The following NDRG1 variants were observed in gnomAD, a reference collection of about 807,000 sequenced individuals.
The protein encoded by NDRG1 is N-myc downstream regulated 1, also known as protein NDRG1.
In NDRG1, 32 loss-of-function variants were observed where a neutral mutation model predicts 56.9. The observed-to-expected ratio is 0.56, with a 90% CI of 0.42 to 0.76. The LOEUF (loss-of-function observed/expected upper bound fraction) is 0.76. NDRG1 is among the 30% of genes least tolerant of loss of function. The probability of loss-of-function intolerance (pLI) is 0.00; values close to 1 mark genes in which losing one functional copy is unlikely to be tolerated. For missense variants in NDRG1, 507 were observed against 545.7 expected (o/e 0.93, Z 0.71); for synonymous variants, 211 against 204.1 (o/e 1.03, Z -0.29).
At chr8:133,245,528 G>C (rs1362794956) in intron 13 of NDRG1, among the ~76,000 whole-genome samples, 1 of 152,118 alleles carries the variant, frequency 6.6e-6, no homozygotes, top group Admixed American at 6.5e-5. Context: ...AGAGTGCTGA[G>C]TGAGGATGGA....
intron 4 of NDRG1, 38 bp from the exon 5 acceptor site, chr8:133,262,205 A>G: frequency 6.2e-7 from 1 of 1,613,492 alleles, no homozygotes; most frequent in Non-Finnish European, 8.5e-7. Context: ...AGAAAAAAGT[A>G]AGATGAGAAA....
chr8:133,253,081 A>G (rs1856162177), intron 9 of NDRG1, among the ~76,000 whole-genome samples: 1 of 152,244 alleles, frequency 6.6e-6, no homozygotes, highest in South Asian at 2.1e-4. Context: ...CTGCAATTTC[A>G]GGCAACCAAG....
At position 133,294,463 on chromosome 8, in the gene NDRG1, C is replaced by T. The variant is rs1254420423; in HGVS notation, c.-19+2671G>A. 4.6e-5 allele frequency among the ~76,000 whole-genome samples: 7 copies of T among 152,192 alleles called. No individual in the cohort carries two copies. The East Asian group carries it at 1.2e-3, about 25-fold the overall frequency. ...GCTTGAGTCTCAGATGCTGAGTCAT[C>T]ACGCTTTCTCTCCCAGGACAAGGCC... On this transcript the variant is annotated intron_variant, in intron 1 of 15. Transcript: ENST00000323851.
chr8:133,237,584 A>G lies in NDRG1; in HGVS notation c.*1294T>C, dbSNP rs144034977. The G allele has an allele frequency of 5.8e-3, 1,341 of 233,184 alleles. 18 individuals are homozygous for G. The highest frequency in any genetic ancestry group is 0.027 in the African/African-American group (1,224 of 45,448). The allele number at this position is 233,184 out of a possible 1,614,324, so 14.4% of individuals were successfully genotyped here. ...TCAGTGGTGCTGCCCCATTCGGCGA[A>G]AGGTTAGGGAGCAGGAAAAGAGGAA... On this transcript the variant is annotated 3_prime_UTR_variant, in exon 16 of 16. Transcript: ENST00000323851.
Position 133,250,559 on chromosome 8 carries a change from T to C in NDRG1, c.595-16A>G, listed in dbSNP as rs757280882. On this transcript the variant is annotated splice_polypyrimidine_tract_variant and intron_variant, in intron 9 of 15. Coordinates refer to ENST00000323851, the MANE Select transcript of NDRG1 (RefSeq NM_006096.4). ...GCATTTCTTCCTGCATTTAGAGAGG[T>C]GAGAAGATGGTCCTCATCGCACTGT... The C allele has an allele frequency of 1.1e-5, 18 of 1,608,354 alleles. No homozygotes were observed. The highest frequency in any genetic ancestry group is 1.4e-5 in the Non-Finnish European group (16 of 1,175,274).
intron 3 of NDRG1, among the ~76,000 whole-genome samples, chr8:133,267,988 C>T (rs558265053): frequency 2.0e-5 from 3 of 152,098 alleles, no homozygotes; most frequent in African/African-American, 4.8e-5. Flanking sequence ...CCCGGAGTTG[C>T]GAGTGGGTAG....
At chr8:133,283,097 G>A (rs1396332677) in intron 2 of NDRG1, among the ~76,000 whole-genome samples, 2 of 152,198 alleles carry the variant, frequency 1.3e-5, no homozygotes, top group African/African-American at 4.8e-5. Flanking sequence ...ATTCACCAAC[G>A]TCCGCTGGCC....
At chr8:133,264,037 G>A (rs1210138515) in intron 4 of NDRG1, among the ~76,000 whole-genome samples, 1 of 151,880 alleles carries the variant, frequency 6.6e-6, no homozygotes, top group East Asian at 1.9e-4. Flanking sequence ...TTAATGCATG[G>A]CCTGGATAAA....
chr8:133,266,081 A>C (rs1266971646), intron 3 of NDRG1, among the ~76,000 whole-genome samples: 5 of 152,222 alleles, frequency 3.3e-5, no homozygotes, highest in African/African-American at 1.2e-4. Context: ...CCTCACCCTC[A>C]CAGGAGCCCT....
chr8:133,249,674 C>A (rs1397104638), intron 10 of NDRG1, among the ~76,000 whole-genome samples: 1 of 152,200 alleles, frequency 6.6e-6, no homozygotes, highest in Non-Finnish European at 1.5e-5. Context: ...GTGAACCGCA[C>A]TGCCAGGTTT....
chr8:133,289,164 C>T (rs1267842097), intron 1 of NDRG1, among the ~76,000 whole-genome samples: 1 of 152,160 alleles, frequency 6.6e-6, no homozygotes, highest in Admixed American at 6.5e-5. Flanking sequence ...GATCCTCCTA[C>T]TCCGGCCTCC....
At chr8:133,242,765 T>C (rs1855456966) in intron 14 of NDRG1, among the ~76,000 whole-genome samples, 1 of 142,274 alleles carries the variant, frequency 7.0e-6, no homozygotes. Context: ...GAAAGATGGA[T>C]TAAAAAAAGA....
intron 12 of NDRG1, among the ~76,000 whole-genome samples, chr8:133,247,469 G>A (rs76627947): frequency 3.3e-5 from 5 of 152,206 alleles, no homozygotes; most frequent in Non-Finnish European, 7.3e-5. Context: ...GGTGAAAGGA[G>A]TCAGGAAGCT....
intron 3 of NDRG1, among the ~76,000 whole-genome samples, chr8:133,268,248 G>A (rs909496858): frequency 8.5e-5 from 13 of 152,096 alleles, no homozygotes; most frequent in African/African-American, 2.9e-4. Context: ...TAAGGGCATC[G>A]ATCCATGTTG....
At chr8:133,280,132 C>G in intron 3 of NDRG1, 100 bp downstream of exon 3, 1 of 1,445,104 alleles carries the variant, frequency 6.9e-7, no homozygotes, top group South Asian at 1.2e-5. Flanking sequence ...TCCCCTTGCC[C>G]GCAATGTTTG....
chr8:133,281,340 A>G (rs987388389), intron 2 of NDRG1, among the ~76,000 whole-genome samples: 4 of 151,268 alleles, frequency 2.6e-5, no homozygotes, highest in African/African-American at 9.8e-5. Context: ...CTGGGCAACA[A>G]GAGTGAAACT....
At chr8:133,295,283 G>A (rs753148560) in intron 1 of NDRG1, among the ~76,000 whole-genome samples, 2 of 152,190 alleles carry the variant, frequency 1.3e-5, no homozygotes, top group Admixed American at 6.5e-5. Flanking sequence ...CCTGCCAGGC[G>A]CTGGGCCAGG....
At chr8:133,259,432 C>T (rs947383377) in intron 5 of NDRG1, 2 of 622,458 alleles carry the variant, frequency 3.2e-6, no homozygotes, top group African/African-American at 3.6e-5. Flanking sequence ...GCTCCAGGTC[C>T]CATGGACACA....
chr8:133,275,172 A>C (rs1430502500), intron 3 of NDRG1, among the ~76,000 whole-genome samples: 1 of 152,180 alleles, frequency 6.6e-6, no homozygotes, highest in Admixed American at 6.5e-5. Flanking sequence ...AGGAAATTCT[A>C]CAGCAACCCT....
Sources: gnomAD v4.1 joint callset for allele counts (sites outside exome capture counted in the v4.1 genomes callset) on GRCh38, gnomAD v4.1.1 for gene constraint, MANE v1.5 for transcripts, NCBI Gene and HGNC (gene_info 2026-07-23, HGNC 2026-07-21) for gene names.